The following FRYL variants were observed in gnomAD, a reference collection of about 807,000 sequenced individuals.
FRYL encodes the protein FRY like transcription coactivator.
In FRYL, 150 loss-of-function variants were observed where a neutral mutation model predicts 351.2. That is an observed-to-expected ratio of 0.43 (90% confidence interval 0.37 to 0.49). The LOEUF is 0.49. Ranked by LOEUF, FRYL falls within the 20% of genes least tolerant of loss-of-function variation. FRYL has a pLI of 0.00. For synonymous variants in FRYL, 1,153 were observed against 1,257.1 expected (o/e 0.92, Z 1.75); for missense variants, 3,036 against 3,619.3 (o/e 0.84, Z 4.13).
intron 49 of FRYL, among the ~76,000 whole-genome samples, chr4:48,534,212 C>T (rs1274610244): frequency 6.6e-6 from 1 of 152,156 alleles, no homozygotes; most frequent in African/African-American, 2.4e-5. Flanking sequence ...GGCAACAGAG[C>T]AAGACTCCTT....
intron 3 of FRYL, among the ~76,000 whole-genome samples, chr4:48,666,949 AAT>A (rs1436168003): frequency 1.2e-4 from 19 of 152,334 alleles, no homozygotes; most frequent in Non-Finnish European, 2.5e-4. Context: ...TTTACTTTGT[AAT>A]AACTAAAATT....
intron 1 of FRYL, among the ~76,000 whole-genome samples, chr4:48,757,043 C>T (rs1245772351): frequency 3.9e-5 from 6 of 152,160 alleles, no homozygotes; most frequent in African/African-American, 1.4e-4. Flanking sequence ...AAAGCAGGCT[C>T]AAGCTGAGGA....
At chr4:48,518,239 C>T (rs995724439) in intron 55 of FRYL, among the ~76,000 whole-genome samples, 1 of 152,208 alleles carries the variant, frequency 6.6e-6, no homozygotes, top group African/African-American at 2.4e-5. Context: ...AACCTCCCAA[C>T]AACTGAAAGG....
At chr4:48,705,410 T>C (rs1396681550) in intron 2 of FRYL, among the ~76,000 whole-genome samples, 1 of 150,688 alleles carries the variant, frequency 6.6e-6, no homozygotes, top group Non-Finnish European at 1.5e-5. Context: ...GGTTATTATA[T>C]AGCTATAAAA....
At position 48,702,455 on chromosome 4, in the gene FRYL, C is replaced by CAA. The variant is rs34675617; in HGVS notation, c.-204+8062_-204+8063dup. Among the ~76,000 whole-genome samples, 32 of 29,450 alleles carry CAA rather than the reference C, an allele frequency of 1.1e-3. 6 individuals carry two copies. Among genetic ancestry groups the CAA allele is most frequent in the East Asian group, 2.6e-3 (2 of 768 alleles). The allele number at this position is 29,450 out of a possible 152,430, so 19.3% of individuals were successfully genotyped here. Reference sequence around the variant, plus strand: ...TGGGTGACAGGGTGAGACTCTGTCTCAAAAAAAAAAAAAAAAAAAAAAAAA... The same window carrying CAA: ...TGGGTGACAGGGTGAGACTCTGTCTCAAAAAAAAAAAAAAAAAAAAAAAAAAA... On this transcript the variant is annotated intron_variant, in intron 2 of 63. Transcript: ENST00000358350.
In FRYL at chr4:48,540,609, T is replaced by C; in HGVS notation, c.6039A>G (p.Ser2013=). The stretch of plus-strand genomic sequence containing the variant: ...CCAGGAGGTATTCATATTCATAATC[T>C]GATTCTAATAAAGATGCTGCTATCC... The part of the protein sequence containing the change: ...IFWIAASLLE[S]DYEYEYLLAL... The change falls in exon 46 of 64, where the codon TCA becomes TCG. Residue 2013 remains serine (S), a synonymous_variant. Coordinates refer to ENST00000358350, the MANE Select transcript of FRYL (RefSeq NM_015030.2). 6.2e-7 allele frequency: 1 copy of C among 1,614,014 alleles called. No individual in the cohort carries two copies. The highest frequency in any genetic ancestry group is 8.5e-7 in the Non-Finnish European group (1 of 1,179,940).
intron 12 of FRYL, among the ~76,000 whole-genome samples, chr4:48,602,712 A>G (rs921529265): frequency 6.6e-6 from 1 of 152,200 alleles, no homozygotes; most frequent in Non-Finnish European, 1.5e-5. Flanking sequence ...TGTGAAATAG[A>G]CAGGTAGAAA....
chr4:48,771,640 A>C (rs984351136), intron 1 of FRYL, among the ~76,000 whole-genome samples: 9 of 152,184 alleles, frequency 5.9e-5, no homozygotes, highest in Non-Finnish European at 1.3e-4. Flanking sequence ...ATCCTCGGCT[A>C]TCCAGAAGCA....
rs186908890 is a variant in FRYL, at chr4:48,507,478, T to G, written c.8395-1863A>C. Among the ~76,000 whole-genome samples, 745 of 151,956 alleles carry G rather than the reference T, an allele frequency of 4.9e-3. 3 individuals carry two copies. Among genetic ancestry groups the G allele is most frequent in the Non-Finnish European group, 7.5e-3 (508 of 67,968 alleles). ...CCTGTATAAAAGAAAGAAAGACCAA[T>G]CCTGCAAGGACAATGATGGAAGCTG... On this transcript the variant is annotated intron_variant, in intron 59 of 63. Transcript: ENST00000358350.
intron 2 of FRYL, among the ~76,000 whole-genome samples, chr4:48,689,442 T>C (rs1765481843): frequency 6.6e-6 from 1 of 152,188 alleles, no homozygotes; most frequent in African/African-American, 2.4e-5. Flanking sequence ...CCATTCTACA[T>C]CTAGAGTTAA....
In FRYL at chr4:48,549,377, T is replaced by G. The variant is rs1270859133; in HGVS notation, c.4784+96A>C. 2.8e-6 allele frequency: 3 copies of G among 1,084,916 alleles called. No homozygotes were observed. Among genetic ancestry groups the G allele is most frequent in the Non-Finnish European group, 3.9e-6 (3 of 770,504 alleles). 67.2% of individuals were successfully genotyped at this position (1,084,916 alleles called of 1,614,324 possible). On this transcript the variant is annotated intron_variant, in intron 39 of 63. Transcript: ENST00000358350. This position sits in a 1 kb window ranked among gnomAD's most constrained non-coding sequence, Gnocchi z 4.2. ...TGTTGCAGTATCTCCATAAAGAAGA[T>G]TGCTTTCATTCTGTGTTGTCAGATA...
At chr4:48,776,038 G>T (rs1211425833) in intron 1 of FRYL, among the ~76,000 whole-genome samples, 1 of 143,116 alleles carries the variant, frequency 7.0e-6, no homozygotes, top group Non-Finnish European at 1.5e-5. Context: ...GTCCTATACA[G>T]AGGTTAAAAA....
At chr4:48,572,460 G>A (rs1189468884) in intron 26 of FRYL, among the ~76,000 whole-genome samples, 1 of 152,180 alleles carries the variant, frequency 6.6e-6, no homozygotes, top group Non-Finnish European at 1.5e-5. Flanking sequence ...TCTTTGTAAA[G>A]TTTGCAAATG....
At chr4:48,643,333 C>T (rs1578488335) in intron 3 of FRYL, among the ~76,000 whole-genome samples, 1 of 152,172 alleles carries the variant, frequency 6.6e-6, no homozygotes, top group East Asian at 1.9e-4. Context: ...GGGCTCCCTC[C>T]TACTATCTTA....
intron 7 of FRYL, chr4:48,618,191 G>A (rs182843568): frequency 2.6e-5 from 4 of 152,012 alleles, no homozygotes; most frequent in South Asian, 2.1e-4. Context: ...ACCAAAAAAC[G>A]TTTATGAAAT....
Position 48,548,813 on chromosome 4 carries a change from C to T in FRYL, c.4785-20G>A. ...TTACACCTATGACAAATAAGAGTTTCATTAACGTTTTACTAGATCTCAGTA... is the reference window on the plus strand; with the variant it reads ...TTACACCTATGACAAATAAGAGTTTTATTAACGTTTTACTAGATCTCAGTA... On this transcript the variant is annotated intron_variant, in intron 39 of 63. Coordinates refer to ENST00000358350, the MANE Select transcript of FRYL (RefSeq NM_015030.2). The T allele has an allele frequency of 4.2e-6, 6 of 1,422,570 alleles. No individual in the cohort carries two copies. Among genetic ancestry groups the T allele is most frequent in the Non-Finnish European group, 5.9e-6 (6 of 1,023,472 alleles). The allele number at this position is 1,422,570 out of a possible 1,614,324, so 88.1% of individuals were successfully genotyped here.
At chr4:48,555,546 G>C (rs774248392) in intron 35 of FRYL, among the ~76,000 whole-genome samples, 3 of 152,216 alleles carry the variant, frequency 2.0e-5, no homozygotes, top group Non-Finnish European at 4.4e-5. Flanking sequence ...ACCTGAAAGA[G>C]GTGAGGAGTG....
chr4:48,757,815 A>G (rs1773955786), intron 1 of FRYL, among the ~76,000 whole-genome samples: 1 of 152,222 alleles, frequency 6.6e-6, no homozygotes. Context: ...TGGAGGCATC[A>G]TGCTACCTGA....
At chr4:48,776,948 A>T (rs1776084214) in intron 1 of FRYL, among the ~76,000 whole-genome samples, 1 of 152,184 alleles carries the variant, frequency 6.6e-6, no homozygotes, top group Non-Finnish European at 1.5e-5. Context: ...TTGTTACTGC[A>T]CTGACATACC....
Sources: allele counts gnomAD v4.1 joint callset (sites outside exome capture counted in the v4.1 genomes callset), GRCh38; gene constraint gnomAD v4.1.1; non-coding constraint Gnocchi (gnomAD v3.1); transcripts MANE v1.5; gene names NCBI Gene and HGNC (gene_info 2026-07-23, HGNC 2026-07-21).